The following GRB2 variants were observed in gnomAD, a reference collection of about 807,000 sequenced individuals.
The protein encoded by GRB2 is growth factor receptor bound protein 2.
Under a neutral mutation model 27.4 loss-of-function variants are expected in GRB2, and 2 were observed. The observed-to-expected ratio is 0.07, with a 90% confidence interval of 0.03 to 0.23. The LOEUF (loss-of-function observed/expected upper bound fraction) is 0.23. Among genes scored for constraint, GRB2 ranks in the 10% least tolerant of loss-of-function variants. The pLI, the probability that GRB2 is intolerant of heterozygous loss-of-function variation, is 1.00. For synonymous variants in GRB2, 94 were observed against 99.6 expected (o/e 0.94, Z 0.33); for missense variants, 102 against 282.4 (o/e 0.36, Z 4.58).
At chr17:75,369,589 T>A (rs2078842334) in intron 2 of GRB2, among the ~76,000 whole-genome samples, 1 of 151,188 alleles carries the variant, frequency 6.6e-6, no homozygotes. Context: ...GCGCAGTAGC[T>A]TACACCTGTA....
In GRB2 at chr17:75,319,412, C is replaced by T. The variant is rs946756338; in HGVS notation, c.*956G>A. 1.3e-5 allele frequency: 2 copies of T among 149,274 alleles called. No individual in the cohort carries two copies. The highest frequency in any genetic ancestry group is 2.5e-5 in the African/African-American group (1 of 40,748). 9.2% of individuals were successfully genotyped at this position (149,274 alleles called of 1,614,324 possible). A position where few individuals can be genotyped will look rare whatever the true frequency, so the allele number is the denominator to read the frequency against. On this transcript the variant is annotated 3_prime_UTR_variant, in exon 6 of 6. Coordinates refer to ENST00000316804, the MANE Select transcript of GRB2 (RefSeq NM_002086.5). Reference sequence around the variant, plus strand: ...ATGCTCGATAATCCCACTGGAAGGGCCAACAAAGTGGAAAGAGACAGGCTT... The same window carrying T: ...ATGCTCGATAATCCCACTGGAAGGGTCAACAAAGTGGAAAGAGACAGGCTT...
chr17:75,380,346 T>TAAAAAAAAAAAAAAAAAA (rs5822085), intron 2 of GRB2, among the ~76,000 whole-genome samples: 1 of 142,946 alleles, frequency 7.0e-6, no homozygotes, highest in Non-Finnish European at 1.5e-5. Context: ...TAGCTTGTAG[T>TAAAAAAAAAAAAAAAAAA]AAAAAAAAAA....
intron 2 of GRB2, among the ~76,000 whole-genome samples, chr17:75,349,855 C>T (rs1288838642): frequency 6.6e-6 from 1 of 151,880 alleles, no homozygotes; most frequent in East Asian, 1.9e-4. Context: ...CCACCCACTG[C>T]CTCACTTTGG....
intron 2 of GRB2, chr17:75,344,509 C>A (rs2078642283): frequency 6.6e-6 from 1 of 151,588 alleles, no homozygotes; most frequent in Non-Finnish European, 1.5e-5. Flanking sequence ...TCTCCTGCCT[C>A]AACCTCCTGA....
At position 75,320,239 on chromosome 17, in the gene GRB2, GGTCACAGGGTGACCCGGCCAGGT is replaced by G; in HGVS notation, c.*106_*128del. On this transcript the variant is annotated 3_prime_UTR_variant, in exon 6 of 6. Transcript: ENST00000316804. The surrounding 1 kb of genome is among the most constrained non-coding windows in gnomAD (Gnocchi z 4.3). ...CCTAAAGTTCCAACCAAAGTGAGAG[GGTCACAGGGTGACCCGGCCAGGT>G]GTTCTGCACTCCCTCACAGGCTGCT... 1.3e-6 allele frequency: 1 copy of G among 776,426 alleles called. No homozygotes were observed. Among genetic ancestry groups the G allele is most frequent in the Non-Finnish European group, 2.2e-6 (1 of 463,594 alleles). The allele number at this position is 776,426 out of a possible 1,614,324, so 48.1% of individuals were successfully genotyped here.
intron 2 of GRB2, among the ~76,000 whole-genome samples, chr17:75,361,681 A>G (rs1407730208): frequency 1.3e-5 from 2 of 152,180 alleles, no homozygotes; most frequent in Admixed American, 6.5e-5. Flanking sequence ...CATGCAGGGC[A>G]TTAAACTCCC....
intron 2 of GRB2, among the ~76,000 whole-genome samples, chr17:75,341,190 G>T (rs554673159): frequency 3.9e-5 from 6 of 152,164 alleles, no homozygotes; most frequent in Admixed American, 3.9e-4. Flanking sequence ...CCAGCACTTT[G>T]GCATGCTGAG....
At chr17:75,373,619 TA>T (rs2078870267) in intron 2 of GRB2, 1 of 152,176 alleles carries the variant, frequency 6.6e-6, no homozygotes, top group African/African-American at 2.4e-5. Context: ...ACTCATGTCT[TA>T]CTAAGTCTGT....
Position 75,352,981 on chromosome 17 carries a change from C to A in GRB2, c.79-20184G>T, listed in dbSNP as rs192841532. Among the ~76,000 whole-genome samples, 856 of 150,820 alleles carry A rather than the reference C, an allele frequency of 5.7e-3. 10 individuals carry two copies. The highest frequency in any genetic ancestry group is 0.02 in the African/African-American group (802 of 41,006). On this transcript the variant is annotated intron_variant, in intron 2 of 5. Transcript: ENST00000316804. Reference sequence around the variant, plus strand: ...TGGGTGGATCAGAAGGTCAGGAGATCGAGACCATCCTGGCTAACATAGTGA... The same window carrying A: ...TGGGTGGATCAGAAGGTCAGGAGATAGAGACCATCCTGGCTAACATAGTGA...
intron 2 of GRB2, among the ~76,000 whole-genome samples, chr17:75,355,335 T>A (rs920076868): frequency 1.3e-5 from 2 of 152,172 alleles, no homozygotes; most frequent in Admixed American, 6.6e-5. Flanking sequence ...TTCTTTTGAC[T>A]CTACTGCCTC....
At chr17:75,366,926 G>A (rs562440431) in intron 2 of GRB2, among the ~76,000 whole-genome samples, 79 of 151,906 alleles carry the variant, frequency 5.2e-4, no homozygotes, top group Middle Eastern at 3.4e-3. Flanking sequence ...AGGTTCCCAG[G>A]TAAAATTTCC....
chr17:75,402,015 T>C (rs1162634878), intron 1 of GRB2, among the ~76,000 whole-genome samples: 1 of 152,246 alleles, frequency 6.6e-6, no homozygotes, highest in Non-Finnish European at 1.5e-5. Flanking sequence ...GTTGAAAATA[T>C]TGTTACATGG....
At chr17:75,347,903 T>C (rs1463042447) in intron 2 of GRB2, among the ~76,000 whole-genome samples, 1 of 152,206 alleles carries the variant, frequency 6.6e-6, no homozygotes, top group Non-Finnish European at 1.5e-5. Flanking sequence ...AAATCAGTTG[T>C]ATATGTCTTT....
At chr17:75,337,047 C>T (rs1054880093) in intron 2 of GRB2, among the ~76,000 whole-genome samples, 1 of 152,150 alleles carries the variant, frequency 6.6e-6, no homozygotes, top group Non-Finnish European at 1.5e-5. Context: ...AAAAATGTAA[C>T]ATTTGAGTAC....
In GRB2 at chr17:75,365,388, C is replaced by T. The variant is rs55642576; in HGVS notation, c.78+28163G>A. ...ACTTTATATCCAAGAAATTCTAAAT[C>T]CTACTTTAATGAATTCTACTTTGCT... On this transcript the variant is annotated intron_variant, in intron 2 of 5. Coordinates refer to ENST00000316804, the MANE Select transcript of GRB2 (RefSeq NM_002086.5). Among the ~76,000 whole-genome samples, 920 of 152,268 alleles carry T rather than the reference C, an allele frequency of 6.0e-3. 6 individuals carry two copies. Among genetic ancestry groups the T allele is most frequent in the Non-Finnish European group, 8.8e-3 (599 of 68,016 alleles).
chr17:75,388,011 C>T (rs1055869637), intron 2 of GRB2, among the ~76,000 whole-genome samples: 1 of 152,256 alleles, frequency 6.6e-6, no homozygotes, highest in East Asian at 1.9e-4. Context: ...TGGAAATAGT[C>T]CATTCAGCTG....
At chr17:75,381,727 A>AG in intron 2 of GRB2, among the ~76,000 whole-genome samples, 2 of 142,518 alleles carry the variant, frequency 1.4e-5, no homozygotes, top group Admixed American at 1.4e-4. Context: ...TCTCAAAAAA[A>AG]AAAAAAAGAA....
chr17:75,352,637 T>A (rs1236055049), intron 2 of GRB2, among the ~76,000 whole-genome samples: 1 of 152,178 alleles, frequency 6.6e-6, no homozygotes, highest in Non-Finnish European at 1.5e-5. Context: ...ATCAGACATA[T>A]TATGTGACAA....
intron 2 of GRB2, among the ~76,000 whole-genome samples, chr17:75,346,268 C>A (rs940355925): frequency 2.0e-5 from 3 of 150,772 alleles, no homozygotes; most frequent in African/African-American, 4.9e-5. Flanking sequence ...CCAAGGCAGG[C>A]GGATCACTTG....
Sources: allele counts gnomAD v4.1 joint callset (sites outside exome capture counted in the v4.1 genomes callset), GRCh38; gene constraint gnomAD v4.1.1; non-coding constraint Gnocchi (gnomAD v3.1); transcripts MANE v1.5; gene names NCBI Gene and HGNC (gene_info 2026-07-23, HGNC 2026-07-21).